Variants in NFIC observed in about 807,000 individuals in gnomAD.
NFIC encodes the protein nuclear factor I C.
In NFIC, 12 loss-of-function variants were observed where a neutral mutation model predicts 54.4. The ratio of observed to expected loss-of-function variants is 0.22; its 90% CI spans 0.14 to 0.36. The LOEUF is 0.36. Ranked by LOEUF, NFIC falls within the 10% of genes least tolerant of loss-of-function variation. The pLI is 1.00. For missense variants in NFIC, 575 were observed against 718.2 expected (o/e 0.80, Z 2.28); for synonymous variants, 322 against 319.2 (o/e 1.01, Z -0.09).
At position 3,391,772 on chromosome 19, in the gene NFIC, G is replaced by A. The variant is rs1037339015; in HGVS notation, c.562+9529G>A. Among the ~76,000 whole-genome samples the A allele has an allele frequency of 3.3e-5, 5 of 152,136 alleles. No homozygotes were observed. The South Asian group carries it at 1.0e-3, about 32-fold the overall frequency. On this transcript the variant is annotated intron_variant, in intron 2 of 10. Coordinates refer to ENST00000443272, the MANE Select transcript of NFIC (RefSeq NM_001245002.2). ...AGATTGCACCACTGCCCTCCAGCCT[G>A]GGCAACAGAGTGAGACTCCGTTTCA...
chr19:3,452,511 G>T lies in NFIC; in HGVS notation c.1114G>T (p.Ala372Ser), dbSNP rs570186658. The change falls in exon 8 of 11, where the codon GCT (alanine) becomes TCT (serine). Residue 372 changes from alanine (A) to serine (S), a missense_variant. Physicochemically the swap from Ala to Ser is moderately conservative, Grantham distance 99. Coordinates refer to ENST00000443272, the MANE Select transcript of NFIC (RefSeq NM_001245002.2). This position sits in a 1 kb window ranked among gnomAD's most constrained non-coding sequence, Gnocchi z 5.3. Reference sequence around the variant, plus strand: ...CGCCCGGAGCCCACACCCGTCCTCCGCTCTGCATTTCCCTACGACGTCCAT... The same window carrying T: ...CGCCCGGAGCCCACACCCGTCCTCCTCTCTGCATTTCCCTACGACGTCCAT... ...GIARSPHPSS[A>S]LHFPTTSILP... 3 of 1,612,722 alleles carry T rather than the reference G, an allele frequency of 1.9e-6. No individual in the cohort carries two copies. Among genetic ancestry groups the T allele is most frequent in the East Asian group, 2.2e-5 (1 of 44,870 alleles).
intron 1 of NFIC, among the ~76,000 whole-genome samples, chr19:3,367,792 G>T (rs1212013699): frequency 6.6e-6 from 1 of 152,190 alleles, no homozygotes; most frequent in African/African-American, 2.4e-5. Flanking sequence ...CCCGGCACGT[G>T]GGGGGTGCGA....
chr19:3,452,101 CA>C lies in NFIC; in HGVS notation c.1085-359del, dbSNP rs777727186. Among the ~76,000 whole-genome samples, 4,666 of 54,538 alleles carry C rather than the reference CA, an allele frequency of 0.086. 184 individuals carry two copies. Among genetic ancestry groups the C allele is most frequent in the African/African-American group, 0.24 (4,204 of 17,882 alleles). The allele number at this position is 54,538 out of a possible 152,430, so 35.8% of individuals were successfully genotyped here. The stretch of plus-strand genomic sequence containing the variant: ...TGCACTCCAGCCTGGGTGACTGTCT[CA>C]AAAAAAAAAAAAAAAAAAAAAGACC... On this transcript the variant is annotated intron_variant, in intron 7 of 10. Coordinates refer to ENST00000443272, the MANE Select transcript of NFIC (RefSeq NM_001245002.2). This position sits in a 1 kb window ranked among gnomAD's most constrained non-coding sequence, Gnocchi z 5.3.
chr19:3,362,048 C>T (rs1463946055), upstream of NFIC, among the ~76,000 whole-genome samples: 5 of 152,212 alleles, frequency 3.3e-5, no homozygotes, highest in Non-Finnish European at 7.3e-5. Context: ...AACCACATCT[C>T]ACCCTCCTGC....
At position 3,453,637 on chromosome 19, in the gene NFIC, C is replaced by T. The variant is rs1413009079; in HGVS notation, c.1270-126C>T. On this transcript the variant is annotated intron_variant, in intron 8 of 10. Coordinates refer to ENST00000443272, the MANE Select transcript of NFIC (RefSeq NM_001245002.2). The surrounding 1 kb of genome is among the most constrained non-coding windows in gnomAD (Gnocchi z 6.7). ...CCCACCAAACCCGCCATGGTCACAC[C>T]CGCGCCCTGGCCCCCCAGCCTGCCA... 1 of 1,318,374 alleles carries T rather than the reference C, an allele frequency of 7.6e-7. No homozygotes were observed. The highest frequency in any genetic ancestry group is 1.0e-6 in the Non-Finnish European group (1 of 990,350). 81.7% of individuals were successfully genotyped at this position (1,318,374 alleles called of 1,614,324 possible). A position where few individuals can be genotyped will look rare whatever the true frequency, so the allele number is the denominator to read the frequency against.
At chr19:3,428,809 A>G (rs1484364922) in intron 3 of NFIC, among the ~76,000 whole-genome samples, 1 of 150,410 alleles carries the variant, frequency 6.6e-6, no homozygotes, top group East Asian at 2.0e-4. Context: ...CAAACAGGAA[A>G]CCCCGGTCGG....
At chr19:3,403,278 G>A (rs550286183) in intron 2 of NFIC, among the ~76,000 whole-genome samples, 1 of 152,262 alleles carries the variant, frequency 6.6e-6, no homozygotes, top group African/African-American at 2.4e-5. Flanking sequence ...CTGGTTTCCA[G>A]CCCCCTCCCA....
intron 3 of NFIC, 45 bp downstream of exon 3, chr19:3,425,222 C>T: frequency 6.4e-7 from 1 of 1,564,278 alleles, no homozygotes; most frequent in Non-Finnish European, 8.7e-7. Flanking sequence ...AGGGCGCAGC[C>T]CTGTCCTCGT....
rs553657291 is a variant in NFIC at position 3,425,294 on chromosome 19, G to A, written c.634+117G>A. 53 of 1,259,038 alleles carry A rather than the reference G, an allele frequency of 4.2e-5. No homozygotes were observed. The African/African-American group carries it at 5.8e-4, about 14-fold the overall frequency. 78.0% of individuals were successfully genotyped at this position (1,259,038 alleles called of 1,614,324 possible). On this transcript the variant is annotated intron_variant, in intron 3 of 10. Transcript: ENST00000443272. ...TTTACAGATGAGCAGACTGAGGCTC[G>A]GAGAGGTTAAGGGGCCTGTCCAGGG...
Position 3,435,069 on chromosome 19 carries a change from C to G in NFIC, c.834-14C>G. ...TCCCTGGTAACCAGCCTCTCCCCTTCCCTCGCCCATAAGGAGCAAGCGGCA... is the reference window on the plus strand; with the variant it reads ...TCCCTGGTAACCAGCCTCTCCCCTTGCCTCGCCCATAAGGAGCAAGCGGCA... On this transcript the variant is annotated splice_polypyrimidine_tract_variant and intron_variant, in intron 5 of 10. Transcript: ENST00000443272. 2 of 1,578,112 alleles carry G rather than the reference C, an allele frequency of 1.3e-6. No individual in the cohort carries two copies. Among genetic ancestry groups the G allele is most frequent in the South Asian group, 2.3e-5 (2 of 87,898 alleles).
intron 3 of NFIC, among the ~76,000 whole-genome samples, chr19:3,429,096 G>T (rs2082072784): frequency 6.8e-6 from 1 of 147,686 alleles, no homozygotes; most frequent in African/African-American, 2.5e-5. Context: ...ACCAGCCTGG[G>T]TAATATAGCA....
At chr19:3,456,848 G>A (rs758169927) in intron 10 of NFIC, 22 of 594,796 alleles carry the variant, frequency 3.7e-5, no homozygotes, top group South Asian at 3.5e-4. Context: ...GATGGGGTGT[G>A]GCCCCAGACT....
intron 2 of NFIC, among the ~76,000 whole-genome samples, chr19:3,403,173 G>A (rs1050504589): frequency 4.6e-5 from 7 of 152,062 alleles, no homozygotes; most frequent in Admixed American, 6.6e-5. Context: ...AGCATTTATC[G>A]AGCACCACCT....
At chr19:3,385,674 G>A (rs1055082049) in intron 2 of NFIC, among the ~76,000 whole-genome samples, 1 of 149,072 alleles carries the variant, frequency 6.7e-6, no homozygotes, top group African/African-American at 2.5e-5. Flanking sequence ...CCGGGTTCAA[G>A]CAATTCTCCT....
Position 3,458,684 on chromosome 19 carries a change from G to C in NFIC, c.1509+2049G>C, listed in dbSNP as rs544249198. 6.6e-6 allele frequency among the ~76,000 whole-genome samples: 1 copy of C among 152,000 alleles called. No individual in the cohort carries two copies. The highest frequency in any genetic ancestry group is 1.5e-5 in the Non-Finnish European group (1 of 67,992). Reference sequence around the variant, plus strand: ...ATAGGCAATGGTGTGGGTCGGGGGAGGGGGAGCTGGCTGGAATGTGAGAGA... The same window carrying C: ...ATAGGCAATGGTGTGGGTCGGGGGACGGGGAGCTGGCTGGAATGTGAGAGA... On this transcript the variant is annotated intron_variant, in intron 10 of 10. Coordinates refer to ENST00000443272, the MANE Select transcript of NFIC (RefSeq NM_001245002.2). The surrounding 1 kb of genome is among the most constrained non-coding windows in gnomAD (Gnocchi z 4.1).
chr19:3,426,604 C>T (rs1276758918), intron 3 of NFIC, among the ~76,000 whole-genome samples: 2 of 152,250 alleles, frequency 1.3e-5, no homozygotes, highest in South Asian at 4.1e-4. Flanking sequence ...ACGGCTCCCA[C>T]CTCTCTTGGG....
intron 5 of NFIC, 58 bp from the exon 6 acceptor site, chr19:3,435,025 G>C: frequency 6.0e-6 from 9 of 1,492,636 alleles, no homozygotes; most frequent in Non-Finnish European, 8.1e-6. Flanking sequence ...GCCCGCCGTC[G>C]CGCCCCCCGC....
Position 3,459,934 on chromosome 19 carries a change from G to A in NFIC, c.1510-2818G>A, listed in dbSNP as rs926191592. On this transcript the variant is annotated intron_variant, in intron 10 of 10. Coordinates refer to ENST00000443272, the MANE Select transcript of NFIC (RefSeq NM_001245002.2). The surrounding 1 kb of genome is among the most constrained non-coding windows in gnomAD (Gnocchi z 4.2). Reference sequence around the variant, plus strand: ...CCTCTAACCTCAGTTGGGGAGTGGAGGGGTCTCCCCAGTTCCAGAGGCACA... The same window carrying A: ...CCTCTAACCTCAGTTGGGGAGTGGAAGGGTCTCCCCAGTTCCAGAGGCACA... Among the ~76,000 whole-genome samples the A allele has an allele frequency of 3.3e-5, 5 of 152,290 alleles. No homozygotes were observed. The highest frequency in any genetic ancestry group is 1.2e-4 in the African/African-American group (5 of 41,560).
chr19:3,384,250 A>G (rs1288490689), intron 2 of NFIC, among the ~76,000 whole-genome samples: 2 of 151,046 alleles, frequency 1.3e-5, no homozygotes, highest in East Asian at 3.9e-4. Flanking sequence ...ATTTTTTTGT[A>G]GAGACAGGGT....
Sources: allele counts gnomAD v4.1 joint callset (sites outside exome capture counted in the v4.1 genomes callset), GRCh38; gene constraint gnomAD v4.1.1; non-coding constraint Gnocchi (gnomAD v3.1); transcripts MANE v1.5; gene names NCBI Gene and HGNC (gene_info 2026-07-23, HGNC 2026-07-21).